The following CRTAC1 variants were observed in gnomAD, a reference collection of about 807,000 sequenced individuals.
The protein encoded by CRTAC1 is acidic secreted protein in cartilage.
CRTAC1 carries 37 observed loss-of-function variants against 67.8 expected under a neutral mutation model. The observed-to-expected ratio is 0.55, with a 90% CI of 0.42 to 0.72. CRTAC1 has a LOEUF of 0.72. CRTAC1 is among the 30% of genes least tolerant of loss of function. CRTAC1 has a pLI of 0.00. For synonymous variants in CRTAC1, 348 were observed against 371.0 expected, an observed-to-expected ratio of 0.94 and a Z score of 0.71; for missense variants, 780 against 931.6, an observed-to-expected ratio of 0.84 and a Z score of 2.12.
In CRTAC1 at chr10:97,895,367, C is replaced by G; in HGVS notation, c.1364G>C (p.Gly455Ala). Reference protein sequence around the residue: ...WLRVVPRTRFGAFARGAKVVL... With the variant: ...WLRVVPRTRFAAFARGAKVVL... Reference sequence around the variant, plus strand: ...GACCTTAGCTCCCCTGGCAAAGGCCCCAAACCGGGTGCGTGGCACCACTCG... The same window carrying G: ...GACCTTAGCTCCCCTGGCAAAGGCCGCAAACCGGGTGCGTGGCACCACTCG... Residue 455 changes from glycine (G) to alanine (A), a missense_variant, in exon 11 of 15, where the codon GGG becomes GCG. By Grantham distance (60) the Gly-to-Ala change is moderately conservative (BLOSUM62 0). Transcript: ENST00000370597. The surrounding 1 kb of genome is among the most constrained non-coding windows in gnomAD (Gnocchi z 4.2). 1.2e-6 allele frequency: 2 copies of G among 1,613,030 alleles called. No homozygotes were observed. The highest frequency in any genetic ancestry group is 2.2e-5 in the East Asian group (1 of 44,840).
chr10:97,925,782 G>A (rs1368290894), intron 3 of CRTAC1, among the ~76,000 whole-genome samples: 3 of 152,088 alleles, frequency 2.0e-5, no homozygotes, highest in Admixed American at 6.5e-5. Flanking sequence ...TAGAGTGCGC[G>A]AGAACAGTCA....
At chr10:97,982,692 A>G (rs1418504332) in intron 2 of CRTAC1, among the ~76,000 whole-genome samples, 5 of 152,186 alleles carry the variant, frequency 3.3e-5, no homozygotes, top group Admixed American at 1.3e-4. Context: ...CAACTTCACA[A>G]AAGAGTAATA....
intron 3 of CRTAC1, among the ~76,000 whole-genome samples, chr10:97,934,607 G>A (rs1166501179): frequency 6.6e-6 from 1 of 152,192 alleles, no homozygotes; most frequent in Admixed American, 6.5e-5. Context: ...TCGTGGCTCA[G>A]GGGAAAGCCA....
At chr10:98,012,478 T>C (rs1180402289) in intron 1 of CRTAC1, among the ~76,000 whole-genome samples, 1 of 152,230 alleles carries the variant, frequency 6.6e-6, no homozygotes, top group African/African-American at 2.4e-5. Context: ...AAAGCGGTAC[T>C]TTCCTGCCTT....
chr10:97,958,095 C>T (rs562590502), intron 2 of CRTAC1, among the ~76,000 whole-genome samples: 1 of 152,132 alleles, frequency 6.6e-6, no homozygotes, highest in Non-Finnish European at 1.5e-5. Flanking sequence ...AAACCTGATG[C>T]CTTCTCTACT....
At chr10:98,002,347 C>A (rs935019525) in intron 2 of CRTAC1, among the ~76,000 whole-genome samples, 1 of 151,898 alleles carries the variant, frequency 6.6e-6, no homozygotes, top group African/African-American at 2.4e-5. Context: ...TTGTTAAAAT[C>A]CTTTTTTAAA....
At chr10:97,878,633 C>T in intron 14 of CRTAC1, 7 of 1,304,056 alleles carry the variant, frequency 5.4e-6, no homozygotes, top group Non-Finnish European at 7.1e-6. Context: ...AGTGTTCTGG[C>T]TACAGGAGCA....
intron 5 of CRTAC1, among the ~76,000 whole-genome samples, chr10:97,911,369 T>C (rs1334249751): frequency 6.6e-6 from 1 of 152,258 alleles, no homozygotes; most frequent in Non-Finnish European, 1.5e-5. Flanking sequence ...GTTGAAGCCT[T>C]GTACCATTTG....
rs887532020 is a variant in CRTAC1 at position 97,975,677 on chromosome 10, G to C, written c.224+35461C>G. 6.6e-6 allele frequency among the ~76,000 whole-genome samples: 1 copy of C among 152,206 alleles called. No homozygotes were observed. Among genetic ancestry groups the C allele is most frequent in the African/African-American group, 2.4e-5 (1 of 41,454 alleles). On this transcript the variant is annotated intron_variant, in intron 2 of 14. Coordinates refer to ENST00000370597, the MANE Select transcript of CRTAC1 (RefSeq NM_018058.7). The surrounding 1 kb of genome is among the most constrained non-coding windows in gnomAD (Gnocchi z 4.8). ...AAAAGGCGCCCCTTCCTCCAAGCCT[G>C]CACAGCCTCACACGGGGGTAGGGCT...
At chr10:97,913,913 A>G (rs1415437469) in intron 5 of CRTAC1, among the ~76,000 whole-genome samples, 3 of 152,242 alleles carry the variant, frequency 2.0e-5, no homozygotes, top group Non-Finnish European at 2.9e-5. Context: ...GTCTCCTTCA[A>G]TAATGACTTC....
At chr10:97,885,208 T>A (rs940245942) in intron 11 of CRTAC1, among the ~76,000 whole-genome samples, 1 of 151,950 alleles carries the variant, frequency 6.6e-6, no homozygotes, top group African/African-American at 2.4e-5. Flanking sequence ...ACATAATAAC[T>A]TGGAAAAAGA....
At position 98,030,240 on chromosome 10, in the gene CRTAC1, CA is replaced by C. The variant is rs1229420549; in HGVS notation, c.24+208del. On this transcript the variant is annotated intron_variant, in intron 1 of 14. Coordinates refer to ENST00000370597, the MANE Select transcript of CRTAC1 (RefSeq NM_018058.7). This position sits in a 1 kb window ranked among gnomAD's most constrained non-coding sequence, Gnocchi z 4.2. ...GCCACCTCCAACCCGGCCGCCGCCT[CA>C]CCCCCAGCCCGCGGGGGAGGCTCCG... is the stretch of plus-strand genomic sequence containing the variant. Among the ~76,000 whole-genome samples the C allele has an allele frequency of 5.3e-5, 8 of 150,798 alleles. No homozygotes were observed. Among genetic ancestry groups the C allele is most frequent in the African/African-American group, 1.9e-4 (8 of 41,042 alleles).
chr10:97,933,845 C>T (rs117459267), intron 3 of CRTAC1, among the ~76,000 whole-genome samples: 3,392 of 152,302 alleles, frequency 0.022, 61 homozygotes, highest in Non-Finnish European at 0.036. Flanking sequence ...ATGCAGGAAT[C>T]GCCTGGAGGT....
At chr10:98,026,425 A>T (rs1843233754) in intron 1 of CRTAC1, among the ~76,000 whole-genome samples, 1 of 152,194 alleles carries the variant, frequency 6.6e-6, no homozygotes, top group Non-Finnish European at 1.5e-5. Flanking sequence ...CCCGCATTCA[A>T]ACAAAAGTCC....
At chr10:97,939,559 C>T (rs576680961) in intron 2 of CRTAC1, among the ~76,000 whole-genome samples, 1 of 152,154 alleles carries the variant, frequency 6.6e-6, no homozygotes, top group South Asian at 2.1e-4. Context: ...CCTGGAGTTG[C>T]CACTTCCTCC....
At chr10:97,985,682 C>G (rs1392876974) in intron 2 of CRTAC1, among the ~76,000 whole-genome samples, 3 of 152,126 alleles carry the variant, frequency 2.0e-5, no homozygotes, top group Non-Finnish European at 4.4e-5. Context: ...CCTGTGTAGT[C>G]CAATTGTGCT....
chr10:97,896,602 C>G (rs1348040260), intron 9 of CRTAC1, among the ~76,000 whole-genome samples: 1 of 152,142 alleles, frequency 6.6e-6, no homozygotes, highest in East Asian at 1.9e-4. Context: ...CCTCTCCTTT[C>G]CATCCCCACC....
chr10:98,009,769 T>C (rs911919387), intron 2 of CRTAC1, among the ~76,000 whole-genome samples: 1 of 152,188 alleles, frequency 6.6e-6, no homozygotes, highest in Non-Finnish European at 1.5e-5. Context: ...TTTTATTGAT[T>C]GACTGATTTT....
chr10:97,913,279 T>A (rs1036130930), intron 5 of CRTAC1, among the ~76,000 whole-genome samples: 11 of 152,038 alleles, frequency 7.2e-5, no homozygotes, highest in African/African-American at 2.7e-4. Flanking sequence ...CCAAGCCTTC[T>A]GGGAGCCTTC....
Sources: gnomAD v4.1 joint callset for allele counts (sites outside exome capture counted in the v4.1 genomes callset) on GRCh38, gnomAD v4.1.1 for gene constraint, Gnocchi (gnomAD v3.1) non-coding constraint, MANE v1.5 for transcripts, NCBI Gene and HGNC (gene_info 2026-07-23, HGNC 2026-07-21) for gene names.